FSTL4: variants seen among roughly 807,000 people sequenced by gnomAD.
The protein encoded by FSTL4 is follistatin-related protein 4.
In FSTL4, 28 loss-of-function variants were observed where a neutral mutation model predicts 78.2. That is an observed-to-expected ratio of 0.36 (90% CI 0.27 to 0.49). The LOEUF is 0.49. Ranked by LOEUF, FSTL4 falls within the 20% of genes least tolerant of loss-of-function variation. The pLI is 0.98. For missense variants in FSTL4, 922 were observed against 1,084.9 expected, an observed-to-expected ratio of 0.85 and a Z score of 2.11; for synonymous variants, 422 against 440.5, an observed-to-expected ratio of 0.96 and a Z score of 0.53.
rs753084443 is a variant in FSTL4 at position 133,316,632 on chromosome 5, C to A, written c.430G>T (p.Gly144Cys). ...AGGACATTCTTCAAGCGGGCGTAGC[C>A]GGCCATGGTGCACGTGTCACCTGAA... ...FLKGDTCTMA[G>C]YARLKNVLLA... is the part of the protein sequence containing the mutation. Residue 144 changes from glycine to cysteine, a missense_variant, in exon 5 of 16, where the codon GGC (glycine) becomes TGC (cysteine). Gly to Cys is a radical substitution (Grantham distance 159). Transcript: ENST00000265342. 27 of 1,613,068 alleles carry A rather than the reference C, an allele frequency of 1.7e-5. No homozygotes were observed. The highest frequency in any genetic ancestry group is 2.2e-5 in the Non-Finnish European group (26 of 1,179,336).
At chr5:133,333,017 C>G (rs368829862) in intron 4 of FSTL4, among the ~76,000 whole-genome samples, 24 of 144,872 alleles carry the variant, frequency 1.7e-4, no homozygotes, top group Middle Eastern at 3.5e-3. Context: ...CTCTCTCTCT[C>G]TGTCTGTCTC....
intron 3 of FSTL4, among the ~76,000 whole-genome samples, chr5:133,510,537 C>T (rs113816216): frequency 6.6e-6 from 1 of 152,046 alleles, no homozygotes; most frequent in Non-Finnish European, 1.5e-5. Flanking sequence ...ATGTTCCCAG[C>T]CTTCCCTGAG....
At chr5:133,438,239 G>C (rs575715457) in intron 3 of FSTL4, among the ~76,000 whole-genome samples, 1 of 152,198 alleles carries the variant, frequency 6.6e-6, no homozygotes, top group Non-Finnish European at 1.5e-5. Flanking sequence ...CAAATTCTTG[G>C]ATCATAATCT....
chr5:133,252,292 A>G (rs112972389), intron 6 of FSTL4: 4 of 152,308 alleles, frequency 2.6e-5, no homozygotes, highest in Non-Finnish European at 5.9e-5. Context: ...GAAAAGACCA[A>G]TTGGGCCATC....
intron 2 of FSTL4, among the ~76,000 whole-genome samples, chr5:133,567,428 A>C (rs945700627): frequency 6.6e-6 from 1 of 152,228 alleles, no homozygotes; most frequent in Non-Finnish European, 1.5e-5. Flanking sequence ...TAGGCAAAAA[A>C]AATCCTGTTA....
chr5:133,200,087 TC>T (rs2126757815), intron 15 of FSTL4, among the ~76,000 whole-genome samples: 1 of 152,344 alleles, frequency 6.6e-6, no homozygotes, highest in South Asian at 2.1e-4. Context: ...CAACTGCTTC[TC>T]CATTTATAAT....
At chr5:133,623,851 T>C in the FSTL4 span, among the ~76,000 whole-genome samples, 1 of 151,976 alleles carries the variant, frequency 6.6e-6, no homozygotes, top group Non-Finnish European at 1.5e-5. Context: ...GATATACAAA[T>C]GGCTGAATAT....
At chr5:133,598,226 C>T (rs1259955812) in intron 2 of FSTL4, among the ~76,000 whole-genome samples, 1 of 152,050 alleles carries the variant, frequency 6.6e-6, no homozygotes, top group Non-Finnish European at 1.5e-5. Flanking sequence ...TGTGTGTGTG[C>T]ATGCGAGGAG....
intron 3 of FSTL4, among the ~76,000 whole-genome samples, chr5:133,528,026 G>C (rs921080779): frequency 6.6e-6 from 1 of 152,226 alleles, no homozygotes; most frequent in East Asian, 1.9e-4. Flanking sequence ...GTTAGCCCAA[G>C]CACCACAGAA....
At chr5:133,741,465 C>T in the FSTL4 span, among the ~76,000 whole-genome samples, 114 of 152,308 alleles carry the variant, frequency 7.5e-4, no homozygotes, top group African/African-American at 2.6e-3. Context: ...TGCAAGAGTG[C>T]AGGAAGTGGG....
intron 1 of FSTL4, among the ~76,000 whole-genome samples, chr5:133,610,588 G>T (rs567554940): frequency 7.9e-5 from 12 of 152,314 alleles, no homozygotes; most frequent in African/African-American, 2.4e-4. Flanking sequence ...CGTATGTCCG[G>T]CTTGAGCTCC....
intron 5 of FSTL4, among the ~76,000 whole-genome samples, chr5:133,315,209 T>C (rs941478410): frequency 6.6e-6 from 1 of 152,164 alleles, no homozygotes; most frequent in African/African-American, 2.4e-5. Context: ...CCATTCACTA[T>C]CTTAGCTCAT....
chr5:133,762,846 T>A, the FSTL4 span, among the ~76,000 whole-genome samples: 1 of 152,268 alleles, frequency 6.6e-6, no homozygotes, highest in South Asian at 2.1e-4. Context: ...AAGTGGGAAG[T>A]GGGATTTCCC....
At chr5:133,441,733 C>T (rs1757162805) in intron 3 of FSTL4, among the ~76,000 whole-genome samples, 1 of 152,214 alleles carries the variant, frequency 6.6e-6, no homozygotes, top group Non-Finnish European at 1.5e-5. Context: ...CACCAGAGCC[C>T]ACTCCCTCCC....
the FSTL4 span, among the ~76,000 whole-genome samples, chr5:133,827,240 A>G: frequency 2.6e-5 from 4 of 152,184 alleles, no homozygotes; most frequent in African/African-American, 9.7e-5. Flanking sequence ...GCTTTTAATT[A>G]CTAAGCCAAC....
chr5:133,719,544 A>T, the FSTL4 span, among the ~76,000 whole-genome samples: 3 of 151,876 alleles, frequency 2.0e-5, no homozygotes, highest in Non-Finnish European at 1.5e-5. Context: ...GTAGTGGCAC[A>T]TGCCTGTAAT....
chr5:133,608,035 AAATT>A, intron 1 of FSTL4, among the ~76,000 whole-genome samples: 1 of 152,356 alleles, frequency 6.6e-6, no homozygotes, highest in East Asian at 1.9e-4. Context: ...ATCTGTTAAC[AAATT>A]AATTACTCCT....
At chr5:133,306,733 C>T (rs1368437706) in intron 6 of FSTL4, among the ~76,000 whole-genome samples, 2 of 152,170 alleles carry the variant, frequency 1.3e-5, no homozygotes, top group African/African-American at 2.4e-5. Flanking sequence ...ATGTATTTCT[C>T]CATGTCCTTC....
chr5:133,514,545 C>T (rs1222961654), intron 3 of FSTL4, among the ~76,000 whole-genome samples: 2 of 152,154 alleles, frequency 1.3e-5, no homozygotes. Context: ...TTCCACTACA[C>T]ACAGACAATT....
Sources: gnomAD v4.1 joint callset for allele counts (sites outside exome capture counted in the v4.1 genomes callset) on GRCh38, gnomAD v4.1.1 for gene constraint, MANE v1.5 for transcripts, NCBI Gene and HGNC (gene_info 2026-07-23, HGNC 2026-07-21) for gene names.